LRP2: variants seen among roughly 807,000 people sequenced by gnomAD.
LRP2 encodes low-density lipoprotein receptor-related protein 2.
Under a neutral mutation model 531.0 loss-of-function variants are expected in LRP2, and 172 were observed. The ratio of observed to expected loss-of-function variants is 0.32; its 90% CI spans 0.29 to 0.37. The LOEUF (loss-of-function observed/expected upper bound fraction) is 0.37. Among genes scored for constraint, LRP2 ranks in the 10% least tolerant of loss-of-function variants. LRP2 has a pLI of 1.00. For synonymous variants in LRP2, 1,992 were observed against 2,027.6 expected, an observed-to-expected ratio of 0.98 and a Z score of 0.47; for missense variants, 5,167 against 5,868.3, an observed-to-expected ratio of 0.88 and a Z score of 3.90.
At chr2:169,313,592 C>T (rs1684677708) in intron 3 of LRP2, among the ~76,000 whole-genome samples, 1 of 152,208 alleles carries the variant, frequency 6.6e-6, no homozygotes, top group Non-Finnish European at 1.5e-5. Context: ...AGAGGGGCAC[C>T]TGGCCGTATC....
intron 4 of LRP2, among the ~76,000 whole-genome samples, chr2:169,299,139 GAA>G (rs10659916): frequency 0.19 from 10,596 of 56,210 alleles, 786 homozygotes; most frequent in East Asian, 0.24. Context: ...AAGAAAGAAA[GAA>G]AGAAAGAAAG....
intron 67 of LRP2, among the ~76,000 whole-genome samples, chr2:169,151,608 G>A (rs910540658): frequency 6.6e-6 from 1 of 152,134 alleles, no homozygotes; most frequent in African/African-American, 2.4e-5. Flanking sequence ...AACTCGGCAA[G>A]ACTGTCCTGC....
chr2:169,185,863 A>T lies in LRP2; in HGVS notation c.9485T>A (p.Val3162Asp). ...TACATTCTCACACTTCTGGCTACAG[A>T]CAAAAGGCATCTCTGTGCATTCATC... ...DIDECTEMPF[V>D]CSQKCENVIG... is the part of the protein sequence containing the mutation. The change falls in exon 50 of 79, where the codon GTC (valine) becomes GAC (aspartate). Residue 3162 changes from valine (V) to aspartate (D), a missense_variant. By Grantham distance (152) the Val-to-Asp change is radical. Transcript: ENST00000649046. 1 of 1,614,064 alleles carries T rather than the reference A, an allele frequency of 6.2e-7. No homozygotes were observed. The highest frequency in any genetic ancestry group is 8.5e-7 in the Non-Finnish European group (1 of 1,179,994).
chr2:169,246,875 G>C lies in LRP2; in HGVS notation c.3020C>G (p.Ala1007Gly). 1 of 1,614,208 alleles carries C rather than the reference G, an allele frequency of 6.2e-7. No homozygotes were observed. The change falls in exon 21 of 79, where the codon GCT becomes GGT. Residue 1007 changes from alanine (A) to glycine (G), a missense_variant. Transcript: ENST00000649046. The stretch of plus-strand genomic sequence containing the variant: ...CCCCTCGCATGTCAAGTGATTGGAA[G>C]CCAGCCTCATTCCATAAGGGCACCC... ...VCGCPYGMRL[A>G]SNHLTCEGDP...
intron 4 of LRP2, among the ~76,000 whole-genome samples, chr2:169,298,400 T>C (rs1255980651): frequency 6.6e-6 from 1 of 152,086 alleles, no homozygotes; most frequent in East Asian, 1.9e-4. Flanking sequence ...AAAGGTCACA[T>C]AACTGGTAAA....
At chr2:169,238,021 G>T in intron 27 of LRP2, 70 bp downstream of exon 27, 1 of 1,337,504 alleles carries the variant, frequency 7.5e-7, no homozygotes, top group Non-Finnish European at 1.1e-6. Flanking sequence ...TTCTCTCACT[G>T]GTGAATAACA....
chr2:169,236,203 AGTTTATT>A, intron 28 of LRP2, 135 bp from the exon 29 acceptor site: 1 of 748,372 alleles, frequency 1.3e-6, no homozygotes, highest in South Asian at 1.6e-5. Context: ...ATATTCACAG[AGTTTATT>A]GTTTCCTCTA....
At chr2:169,304,444 A>G (rs888400846) in intron 4 of LRP2, among the ~76,000 whole-genome samples, 4 of 152,204 alleles carry the variant, frequency 2.6e-5, no homozygotes, top group African/African-American at 9.7e-5. Context: ...CTCATAAAGG[A>G]ACCTAATAGT....
At chr2:169,173,005 G>A in intron 57 of LRP2, 91 bp downstream of exon 57, 2 of 1,488,754 alleles carry the variant, frequency 1.3e-6, no homozygotes, top group South Asian at 2.3e-5. Context: ...AAGATGACAT[G>A]GGAAATACAC....
chr2:169,342,674 T>G (rs1685596324), intron 1 of LRP2, among the ~76,000 whole-genome samples: 2 of 152,184 alleles, frequency 1.3e-5, no homozygotes, highest in South Asian at 4.1e-4. Flanking sequence ...TCTAGTTGAC[T>G]ACATCACTGC....
chr2:169,208,531 A>G (rs1688478407), intron 38 of LRP2, among the ~76,000 whole-genome samples: 1 of 152,114 alleles, frequency 6.6e-6, no homozygotes, highest in African/African-American at 2.4e-5. Context: ...ATCTCGGCCC[A>G]CTGCAACCTC....
intron 69 of LRP2, 127 bp downstream of exon 69, chr2:169,146,612 G>A (rs1574070661): frequency 1.4e-6 from 1 of 698,896 alleles, no homozygotes; most frequent in East Asian, 2.7e-5. Flanking sequence ...GGGGGTGGAG[G>A]GGTGGTATCT....
intron 42 of LRP2, among the ~76,000 whole-genome samples, chr2:169,203,401 C>T (rs1330912603): frequency 6.6e-6 from 1 of 152,170 alleles, no homozygotes; most frequent in Non-Finnish European, 1.5e-5. Context: ...AATTCTTAGT[C>T]AAGACATGAA....
intron 1 of LRP2, among the ~76,000 whole-genome samples, chr2:169,345,754 CAAA>C (rs72365288): frequency 2.5e-4 from 28 of 111,414 alleles, no homozygotes; most frequent in African/African-American, 3.2e-4. Context: ...AGGGGGCGGT[CAAA>C]AAAAAAAAAA....
intron 15 of LRP2, among the ~76,000 whole-genome samples, chr2:169,271,503 TA>T (rs1683412588): frequency 6.6e-6 from 1 of 151,828 alleles, no homozygotes; most frequent in African/African-American, 2.4e-5. Flanking sequence ...CCCTAGAACT[TA>T]AAGTAAAATA....
chr2:169,348,151 C>T (rs766158413), intron 1 of LRP2, among the ~76,000 whole-genome samples: 7 of 152,174 alleles, frequency 4.6e-5, no homozygotes, highest in Admixed American at 4.6e-4. Context: ...AAACTAATAC[C>T]TACAAAACAC....
intron 1 of LRP2, among the ~76,000 whole-genome samples, chr2:169,346,207 C>A (rs1055417960): frequency 1.6e-4 from 25 of 152,202 alleles, no homozygotes; most frequent in Admixed American, 1.6e-3. Flanking sequence ...GCCCAAGTCC[C>A]TCTTGGTGCC....
At chr2:169,240,049 C>A (rs552917387) in intron 25 of LRP2, among the ~76,000 whole-genome samples, 7 of 152,126 alleles carry the variant, frequency 4.6e-5, no homozygotes, top group Non-Finnish European at 1.0e-4. Context: ...CAATGAGAAC[C>A]CTTGGGAAAA....
chr2:169,241,033 C>T lies in LRP2; in HGVS notation c.4000G>A (p.Gly1334Ser). Residue 1334 changes from glycine to serine, a missense_variant, in exon 25 of 79, where the codon GGC becomes AGC. This residue lies in a region of LRP2 where 2,811 missense variants were observed against 3,058.0 expected (regional missense o/e 0.92). Transcript: ENST00000649046. ...ICVNLSVVCD[G>S]IFDCPNGTDE... ...GTCCCATTGGGGCAGTCAAAGATGC[C>T]ATCACACACTACACTCAGATTCACA... The T allele has an allele frequency of 6.2e-7, 1 of 1,614,068 alleles. No individual in the cohort carries two copies. The highest frequency in any genetic ancestry group is 8.5e-7 in the Non-Finnish European group (1 of 1,180,026).
Sources: allele counts gnomAD v4.1 joint callset (sites outside exome capture counted in the v4.1 genomes callset), GRCh38; gene constraint gnomAD v4.1.1; regional missense constraint gnomAD v4.1.1; transcripts MANE v1.5; gene names NCBI Gene and HGNC (gene_info 2026-07-23, HGNC 2026-07-21).